ATP2C1: variants seen among roughly 807,000 people sequenced by gnomAD.
ATP2C1 encodes the protein ATPase secretory pathway Ca2+ transporting 1, also known as calcium-transporting ATPase type 2C member 1.
A neutral mutation model predicts 120.5 loss-of-function variants in ATP2C1; 31 were observed. That is an observed-to-expected ratio of 0.26 (90% CI 0.19 to 0.35). ATP2C1 has a LOEUF of 0.35. Among genes scored for constraint, ATP2C1 ranks in the 10% least tolerant of loss-of-function variants. The pLI, the probability that ATP2C1 is intolerant of heterozygous loss-of-function variation, is 1.00. For synonymous variants in ATP2C1, 351 were observed against 358.7 expected (o/e 0.98, Z 0.24); for missense variants, 731 against 1,107.5 (o/e 0.66, Z 4.83).
At chr3:130,928,546 T>C (rs958480565) in intron 2 of ATP2C1, among the ~76,000 whole-genome samples, 1 of 152,204 alleles carries the variant, frequency 6.6e-6, no homozygotes, top group Non-Finnish European at 1.5e-5. Flanking sequence ...CAATATATTA[T>C]TGATAGAAAA....
At chr3:130,876,332 C>T (rs114230984) in intron 1 of ATP2C1, among the ~76,000 whole-genome samples, 3,666 of 152,040 alleles carry the variant, frequency 0.024, 151 homozygotes, top group African/African-American at 0.083. Flanking sequence ...TAATTTAATT[C>T]TTCTTTAATA....
chr3:130,872,089 CTTATGT>C (rs917416264), intron 1 of ATP2C1, among the ~76,000 whole-genome samples: 2 of 150,102 alleles, frequency 1.3e-5, no homozygotes, highest in African/African-American at 4.9e-5. Context: ...AAAATATGTT[CTTATGT>C]TTATATCATC....
At chr3:130,972,839 C>G (rs1300689107) in intron 17 of ATP2C1, among the ~76,000 whole-genome samples, 3 of 151,564 alleles carry the variant, frequency 2.0e-5, no homozygotes, top group African/African-American at 7.3e-5. Flanking sequence ...GTATTAAATA[C>G]AAGTGAACAG....
intron 2 of ATP2C1, among the ~76,000 whole-genome samples, chr3:130,923,206 A>C (rs1028560629): frequency 3.3e-5 from 5 of 151,522 alleles, no homozygotes; most frequent in African/African-American, 1.2e-4. Context: ...TTTTATCGTT[A>C]TATAATATCC....
rs1485974380 is a variant in ATP2C1 at position 130,887,115 on chromosome 3, C to T, written c.108+36187C>T. Among the ~76,000 whole-genome samples, 5 of 152,278 alleles carry T rather than the reference C, an allele frequency of 3.3e-5. No individual in the cohort carries two copies. The East Asian group carries it at 9.6e-4, about 29-fold the overall frequency. On this transcript the variant is annotated intron_variant, in intron 1 of 26. Transcript: ENST00000504381. ...ACTGCCTTGGTGGTCTTGGATAAAA[C>T]CCTGAAGAATTCTCTGTATTATGAG...
chr3:131,009,485 T>C (rs1193346410), intron 26 of ATP2C1, among the ~76,000 whole-genome samples: 2 of 152,228 alleles, frequency 1.3e-5, no homozygotes, highest in Non-Finnish European at 2.9e-5. Context: ...TTTCTGTCCC[T>C]AAAAACAGAA....
chr3:130,883,945 C>CTTTTTTTTTTTTTTTTTTTTTTTTTT (rs35365168), intron 1 of ATP2C1, among the ~76,000 whole-genome samples: 2 of 122,438 alleles, frequency 1.6e-5, no homozygotes, highest in Non-Finnish European at 3.3e-5. Flanking sequence ...TTCTTTTCTT[C>CTTTTTTTTTTTTTTTTTTTTTTTTTT]TTTTTTTTTT....
At position 130,979,428 on chromosome 3, in the gene ATP2C1, A is replaced by C. The variant is rs763169087; in HGVS notation, c.1741+9A>C. The stretch of plus-strand genomic sequence containing the variant: ...GACTGCAGTTGCAATCGGTATAACT[A>C]GACTGCTTTCTTTTGTTTTCGATAG... On this transcript the variant is annotated intron_variant, in intron 19 of 27. Coordinates refer to ENST00000510168, the MANE Select transcript of ATP2C1 (RefSeq NM_001378687.1). 1.9e-6 allele frequency: 3 copies of C among 1,612,808 alleles called. No individual in the cohort carries two copies. The South Asian group carries it at 3.3e-5, about 18-fold the overall frequency.
upstream of ATP2C1, among the ~76,000 whole-genome samples, chr3:130,889,638 CTTTTTTTTTTTTT>C (rs1170424148): frequency 2.6e-5 from 2 of 77,660 alleles, no homozygotes; most frequent in South Asian, 5.1e-4. Flanking sequence ...ATTCTTTAAA[CTTTTTTTTTTTTT>C]TTTTTTTTTT....
At chr3:130,960,785 G>A (rs2060786428) in intron 12 of ATP2C1, among the ~76,000 whole-genome samples, 1 of 152,082 alleles carries the variant, frequency 6.6e-6, no homozygotes, top group African/African-American at 2.4e-5. Context: ...TCCAATTAGT[G>A]ACAAATAGGT....
intron 20 of ATP2C1, among the ~76,000 whole-genome samples, chr3:130,985,431 G>A (rs1280026857): frequency 2.6e-5 from 4 of 152,038 alleles, no homozygotes; most frequent in African/African-American, 4.8e-5. Context: ...TCAGGATTTC[G>A]AGACCTGCCT....
At chr3:130,952,139 G>T (rs2060396705) in intron 8 of ATP2C1, among the ~76,000 whole-genome samples, 2 of 152,114 alleles carry the variant, frequency 1.3e-5, no homozygotes, top group Non-Finnish European at 2.9e-5. Flanking sequence ...CTTCTAAAAT[G>T]TGGCTCTATC....
upstream of ATP2C1, among the ~76,000 whole-genome samples, chr3:130,893,524 C>T (rs2069271956): frequency 6.6e-6 from 1 of 152,252 alleles, no homozygotes; most frequent in Non-Finnish European, 1.5e-5. Context: ...CGGGAGGCTG[C>T]TCACGGTGCT....
At chr3:130,916,807 T>G (rs998274515) in intron 2 of ATP2C1, among the ~76,000 whole-genome samples, 2 of 152,224 alleles carry the variant, frequency 1.3e-5, no homozygotes, top group African/African-American at 4.8e-5. Flanking sequence ...CTCTATCTTT[T>G]TATTGTCCAA....
chr3:130,880,370 G>A (rs1293243452), intron 1 of ATP2C1, among the ~76,000 whole-genome samples: 1 of 152,114 alleles, frequency 6.6e-6, no homozygotes, highest in African/African-American at 2.4e-5. Flanking sequence ...CCACTCATAG[G>A]AAGTTTTACC....
chr3:130,866,898 T>A, intron 1 of ATP2C1, among the ~76,000 whole-genome samples: 1 of 152,338 alleles, frequency 6.6e-6, no homozygotes, highest in East Asian at 1.9e-4. Flanking sequence ...CTGGCAACCT[T>A]GCATTGAGGA....
At chr3:130,936,136 G>C (rs2059659595) in intron 5 of ATP2C1, among the ~76,000 whole-genome samples, 2 of 152,094 alleles carry the variant, frequency 1.3e-5, no homozygotes, top group Admixed American at 6.6e-5. Flanking sequence ...GCACTCTTAT[G>C]GGCTGGATAG....
intron 7 of ATP2C1, among the ~76,000 whole-genome samples, chr3:130,941,266 CTGTGTGTGT>C (rs2059903487): frequency 1.3e-4 from 10 of 79,830 alleles, no homozygotes; most frequent in African/African-American, 4.4e-4. Flanking sequence ...GTGTGTGTGT[CTGTGTGTGT>C]GCGCGCACGC....
rs73201938 is a variant in ATP2C1 at position 130,996,358 on chromosome 3, A to T, written c.2126+247A>T. On this transcript the variant is annotated intron_variant, in intron 23 of 27. Coordinates refer to ENST00000510168, the MANE Select transcript of ATP2C1 (RefSeq NM_001378687.1). ...ATCTTTGTGATTTATTTAATAGCTC[A>T]CATCTCATTGTTTCCTCTTGGTATC... The T allele has an allele frequency of 4.4e-3, 2,564 of 579,900 alleles. 12 individuals carry two copies. Among genetic ancestry groups the T allele is most frequent in the Non-Finnish European group, 5.4e-3 (1,782 of 328,766 alleles). 35.9% of individuals were successfully genotyped at this position (579,900 alleles called of 1,614,324 possible). A position where few individuals can be genotyped will look rare whatever the true frequency, so the allele number is the denominator to read the frequency against.
Sources: gnomAD v4.1 joint callset for allele counts (sites outside exome capture counted in the v4.1 genomes callset) on GRCh38, gnomAD v4.1.1 for gene constraint, MANE v1.5 for transcripts, NCBI Gene and HGNC (gene_info 2026-07-23, HGNC 2026-07-21) for gene names.